C6orf89: variants seen among roughly 807,000 people sequenced by gnomAD.
The protein encoded by C6orf89 is chromosome 6 open reading frame 89.
In C6orf89, 29 loss-of-function variants were observed where a neutral mutation model predicts 40.7. The ratio of observed to expected loss-of-function variants is 0.71; its 90% CI spans 0.53 to 0.97. The LOEUF is 0.97. Ranked by LOEUF, C6orf89 falls within the 50% of genes least tolerant of loss-of-function variation. The pLI is 0.00. For synonymous variants in C6orf89, 165 were observed against 152.2 expected, an observed-to-expected ratio of 1.08 and a Z score of -0.62; for missense variants, 392 against 429.1, an observed-to-expected ratio of 0.91 and a Z score of 0.76.
intron 4 of C6orf89, among the ~76,000 whole-genome samples, chr6:36,903,516 G>C (rs1369275184): frequency 6.6e-6 from 1 of 152,006 alleles, no homozygotes; most frequent in Non-Finnish European, 1.5e-5. Context: ...CTGGAGTGCA[G>C]TGGTGCGATC....
chr6:36,894,539 C>A lies in C6orf89; in HGVS notation c.-84C>A. On this transcript the variant is annotated 5_prime_UTR_variant, in exon 2 of 9. Transcript: ENST00000480824. ...AGTCAATCATTTTCCAGTTCTCAGC[C>A]GCTCAGTTGTGATCAAGGGACACGT... 6.1e-6 allele frequency: 6 copies of A among 985,304 alleles called. No individual in the cohort carries two copies. The highest frequency in any genetic ancestry group is 1.1e-4 in the East Asian group (1 of 8,814). 61.0% of individuals were successfully genotyped at this position (985,304 alleles called of 1,614,324 possible).
At chr6:36,896,072 A>G (rs1230535439) in intron 2 of C6orf89, among the ~76,000 whole-genome samples, 1 of 152,160 alleles carries the variant, frequency 6.6e-6, no homozygotes. Context: ...TCTGATGGTT[A>G]ATAATGTTGA....
chr6:36,888,363 G>A (rs1028454849), intron 1 of C6orf89, among the ~76,000 whole-genome samples: 10 of 152,196 alleles, frequency 6.6e-5, no homozygotes, highest in Non-Finnish European at 1.5e-4. Context: ...CGAGTGCAGC[G>A]GCTCACGCTT....
rs371964800 is a variant in C6orf89 at position 36,909,168 on chromosome 6, A to G, written c.404-5116A>G. On this transcript the variant is annotated intron_variant, in intron 4 of 8. Coordinates refer to ENST00000480824, the MANE Select transcript of C6orf89 (RefSeq NM_001286635.2). Reference sequence around the variant, plus strand: ...CTCTTCTATAATTTAACCATTTTCTAGGGTTGTTGTGGGTTTTTTTTTTTT... The same window carrying G: ...CTCTTCTATAATTTAACCATTTTCTGGGGTTGTTGTGGGTTTTTTTTTTTT... Among the ~76,000 whole-genome samples the G allele has an allele frequency of 8.9e-4, 129 of 145,428 alleles. 2 individuals are homozygous for G. The South Asian group carries it at 0.015, about 17-fold the overall frequency.
Position 36,909,216 on chromosome 6 carries a change from C to T in C6orf89, c.404-5068C>T, listed in dbSNP as rs558495700. On this transcript the variant is annotated intron_variant, in intron 4 of 8. Transcript: ENST00000480824. ...TTTTTGCTATTACAAAAATATGTACCTGAGAGATTCATATACACATATCTT... is the reference window on the plus strand; with the variant it reads ...TTTTTGCTATTACAAAAATATGTACTTGAGAGATTCATATACACATATCTT... Among the ~76,000 whole-genome samples the T allele has an allele frequency of 3.7e-4, 55 of 147,962 alleles. No individual in the cohort carries two copies. The South Asian group carries it at 9.7e-3, about 26-fold the overall frequency.
At chr6:36,909,130 G>C (rs1010382789) in intron 4 of C6orf89, among the ~76,000 whole-genome samples, 1 of 149,604 alleles carries the variant, frequency 6.7e-6, no homozygotes, top group Non-Finnish European at 1.5e-5. Context: ...TTTTATATTA[G>C]TTGATTCTGT....
exon 1 of C6orf89, chr6:36,871,897 C>G (rs772430665): frequency 3.6e-5 from 55 of 1,546,016 alleles, no homozygotes; most frequent in Non-Finnish European, 4.6e-5. Flanking sequence ...GACAACAGCT[C>G]CAGTAAACAA....
At chr6:36,904,845 G>A (rs535134529) in intron 4 of C6orf89, among the ~76,000 whole-genome samples, 22 of 152,242 alleles carry the variant, frequency 1.4e-4, no homozygotes, top group African/African-American at 4.6e-4. Context: ...GTGGCACCTC[G>A]GGAATGATGG....
Position 36,926,654 on chromosome 6 carries a change from A to C in C6orf89, c.*3213A>C, listed in dbSNP as rs531654109. On this transcript the variant is annotated 3_prime_UTR_variant, in exon 9 of 9. Coordinates refer to ENST00000480824, the MANE Select transcript of C6orf89 (RefSeq NM_001286635.2). ...TTGGGGGGGCTCATGTTCTGAGAGA[A>C]AGGAATAATAGCATTTGTCTAGTAC... 12 of 151,894 alleles carry C rather than the reference A, an allele frequency of 7.9e-5. No homozygotes were observed. The highest frequency in any genetic ancestry group is 1.6e-4 in the Non-Finnish European group (11 of 67,946). The allele number at this position is 151,894 out of a possible 1,614,324, so 9.4% of individuals were successfully genotyped here. A position where few individuals can be genotyped will look rare whatever the true frequency, so the allele number is the denominator to read the frequency against.
rs76016837 is a variant in C6orf89, at chr6:36,890,438, G to A, written c.-119-4066G>A. ...TCTGGCTTATTTCACTTAGCATAAT[G>A]TCCTCCAGGTCCATCCGTATTGTTA... is the stretch of plus-strand genomic sequence containing the variant. On this transcript the variant is annotated intron_variant, in intron 1 of 8. Coordinates refer to ENST00000480824, the MANE Select transcript of C6orf89 (RefSeq NM_001286635.2). Among the ~76,000 whole-genome samples, 104 of 152,118 alleles carry A rather than the reference G, an allele frequency of 6.8e-4. 3 individuals carry two copies. The East Asian group carries it at 0.018, about 26-fold the overall frequency.
chr6:36,914,431 T>G lies in C6orf89; in HGVS notation c.551T>G (p.Ile184Ser), dbSNP rs1762241330. Residue 184 changes from isoleucine (I) to serine (S), a missense_variant, in exon 5 of 9, where the codon ATC becomes AGC. By Grantham distance (142) the Ile-to-Ser change is moderately radical (BLOSUM62 -2). Coordinates refer to ENST00000480824, the MANE Select transcript of C6orf89 (RefSeq NM_001286635.2). ...TTTGAGAGGCTCCATCCACTGGTGA[T>G]CAAGGTGAGCAGAAGCCTGAGTCTC... Reference protein sequence around the residue: ...RKFERLHPLVIKTGKPLLEEE... With the variant: ...RKFERLHPLVSKTGKPLLEEE... The G allele has an allele frequency of 1.2e-6, 2 of 1,614,050 alleles. No individual in the cohort carries two copies. Among genetic ancestry groups the G allele is most frequent in the Non-Finnish European group, 1.7e-6 (2 of 1,180,014 alleles).
At chr6:36,921,435 A>G (rs1762506143) in intron 8 of C6orf89, among the ~76,000 whole-genome samples, 1 of 152,150 alleles carries the variant, frequency 6.6e-6, no homozygotes, top group Non-Finnish European at 1.5e-5. Context: ...TTTTGACAAA[A>G]TGTACATTTT....
At chr6:36,880,942 ATGT>A (rs1430660865), upstream of C6orf89, among the ~76,000 whole-genome samples, 2 of 152,240 alleles carry the variant, frequency 1.3e-5, no homozygotes, top group Non-Finnish European at 2.9e-5. Context: ...CATGCCAGAC[ATGT>A]TGTACAATTT....
At chr6:36,872,076 T>C (rs1309667645) in intron 1 of C6orf89, 1 of 438,424 alleles carries the variant, frequency 2.3e-6, no homozygotes, top group Non-Finnish European at 3.9e-6. Context: ...AACACGCAGG[T>C]GTTCTGGGTA....
chr6:36,899,468 C>T lies in C6orf89; in HGVS notation c.24C>T (p.Ile8=). 1.2e-6 allele frequency: 2 copies of T among 1,614,102 alleles called. No homozygotes were observed. The highest frequency in any genetic ancestry group is 1.7e-6 in the Non-Finnish European group (2 of 1,180,028). MDLAANE[I]SIYDKLSETV... ...ACATGGATCTTGCTGCCAACGAGAT[C>T]AGCATTTATGACAAACTTTCAGAGA... Residue 8 remains isoleucine (I), a synonymous_variant, in exon 3 of 9, where the codon ATC becomes ATT. Transcript: ENST00000480824.
At chr6:36,889,584 A>G (rs1474881137) in intron 1 of C6orf89, among the ~76,000 whole-genome samples, 2 of 149,800 alleles carry the variant, frequency 1.3e-5, no homozygotes, top group Non-Finnish European at 3.0e-5. Flanking sequence ...AACAAAAACA[A>G]AAAAAAAAAG....
chr6:36,916,629 C>G (rs1485888928), intron 7 of C6orf89, 55 bp downstream of exon 7: 1 of 1,607,808 alleles, frequency 6.2e-7, no homozygotes, highest in Non-Finnish European at 8.5e-7. Flanking sequence ...GGGACCTGGA[C>G]TGATGTCATA....
chr6:36,896,728 A>C (rs1761442465), intron 2 of C6orf89, among the ~76,000 whole-genome samples: 1 of 152,174 alleles, frequency 6.6e-6, no homozygotes, highest in South Asian at 2.1e-4. Context: ...ACCATTGCCG[A>C]ATCCCAGAAT....
chr6:36,897,886 T>G (rs2150688712), intron 2 of C6orf89, among the ~76,000 whole-genome samples: 1 of 152,238 alleles, frequency 6.6e-6, no homozygotes, highest in Admixed American at 6.5e-5. Context: ...CAGTACTTTT[T>G]GGGGCTAGAA....
Sources: allele counts gnomAD v4.1 joint callset (sites outside exome capture counted in the v4.1 genomes callset), GRCh38; gene constraint gnomAD v4.1.1; transcripts MANE v1.5; gene names NCBI Gene and HGNC (gene_info 2026-07-23, HGNC 2026-07-21).